ABCG2: variants seen among roughly 807,000 people sequenced by gnomAD.
ABCG2 encodes the protein ATP binding cassette subfamily G member 2 (JR blood group).
In ABCG2, 80 loss-of-function variants were observed where a neutral mutation model predicts 73.5. The ratio of observed to expected loss-of-function variants is 1.09; its 90% CI spans 0.91 to 1.31. The LOEUF (loss-of-function observed/expected upper bound fraction) is 1.31, where lower values mean the gene tolerates loss of function less well. Ranked by LOEUF, ABCG2 falls within the 50% of genes most tolerant of loss-of-function variation. ABCG2 has a pLI of 0.00. For missense variants in ABCG2, 796 were observed against 786.2 expected (o/e 1.01, Z -0.15); for synonymous variants, 269 against 282.4 (o/e 0.95, Z 0.48).
At chr4:88,187,129 T>C (rs1207138979) in intron 1 of ABCG2, among the ~76,000 whole-genome samples, 1 of 140,734 alleles carries the variant, frequency 7.1e-6, no homozygotes, top group African/African-American at 2.7e-5. Context: ...AAAAGGTGGT[T>C]ACCAGAGACT....
At chr4:88,215,475 T>C (rs1729775950) in intron 1 of ABCG2, among the ~76,000 whole-genome samples, 1 of 152,152 alleles carries the variant, frequency 6.6e-6, no homozygotes, top group Non-Finnish European at 1.5e-5. Context: ...TTGGGAGGAT[T>C]CAAAAAACTC....
intron 1 of ABCG2, among the ~76,000 whole-genome samples, chr4:88,164,541 C>T (rs1727437946): frequency 6.6e-6 from 1 of 152,144 alleles, no homozygotes. Flanking sequence ...CTTCCTGCCG[C>T]CATGTGAAGA....
intron 12 of ABCG2, among the ~76,000 whole-genome samples, chr4:88,098,821 A>G (rs1034714981): frequency 6.6e-6 from 1 of 152,142 alleles, no homozygotes; most frequent in Non-Finnish European, 1.5e-5. Context: ...AGTGGTTTTA[A>G]AAGTTCAGGC....
intron 2 of ABCG2, among the ~76,000 whole-genome samples, chr4:88,136,271 T>A (rs187631649): frequency 1.0e-3 from 153 of 152,170 alleles, no homozygotes; most frequent in African/African-American, 3.4e-3. Flanking sequence ...CACATACATA[T>A]CTTCTCTAGG....
At chr4:88,158,798 G>T (rs1727139663), upstream of ABCG2, 1 of 340,072 alleles carries the variant, frequency 2.9e-6, no homozygotes, top group African/African-American at 2.3e-5. Context: ...CACGATGGGA[G>T]CCGGCGGGTG....
rs140978611 is a variant in ABCG2, at chr4:88,145,795, C to A, written c.-19-5781G>T. 8.3e-3 allele frequency among the ~76,000 whole-genome samples: 1,251 copies of A among 151,288 alleles called. 12 individuals are homozygous for A. The highest frequency in any genetic ancestry group is 0.029 in the African/African-American group (1,185 of 41,322). ...TCTCTACTAAAAATACAAAAATTAG[C>A]CGGGCGTGGTGGTGTGCATTTTTGA... On this transcript the variant is annotated intron_variant, in intron 1 of 15. Transcript: ENST00000237612.
chr4:88,206,394 T>C (rs1729379696), intron 1 of ABCG2: 1 of 152,174 alleles, frequency 6.6e-6, no homozygotes, highest in South Asian at 2.1e-4. Context: ...TTTTAAAAAT[T>C]TTTTTGTAGT....
chr4:88,123,857 AT>A (rs1472229173), intron 5 of ABCG2, among the ~76,000 whole-genome samples: 2 of 152,204 alleles, frequency 1.3e-5, no homozygotes, highest in Non-Finnish European at 2.9e-5. Flanking sequence ...AAGACACATA[AT>A]CATCAGATTC....
chr4:88,186,202 A>G (rs1267854935), intron 1 of ABCG2, among the ~76,000 whole-genome samples: 1 of 152,264 alleles, frequency 6.6e-6, no homozygotes, highest in African/African-American at 2.4e-5. Context: ...AGATCCTGGC[A>G]TCTGCAACAA....
rs1304341176 is a variant in ABCG2 at position 88,092,298 on chromosome 4, C to T, written c.1904G>A (p.Cys635Tyr). The T allele has an allele frequency of 2.5e-6, 4 of 1,613,222 alleles. No individual in the cohort carries two copies. The highest frequency in any genetic ancestry group is 2.7e-5 in the African/African-American group (2 of 74,892). Residue 635 changes from cysteine (C) to tyrosine (Y), a missense_variant, in exon 16 of 16, where the codon TGT becomes TAT. By Grantham distance (194) the Cys-to-Tyr change is radical. Transcript: ENST00000237612. ...AATTGTGAGGAAAATAACAATCATA[C>T]AAGCCAAGGCCACGTGATTCTTCCA... ...GLWKNHVALA[C>Y]MIVIFLTIAY...
intron 1 of ABCG2, among the ~76,000 whole-genome samples, chr4:88,198,978 T>A (rs549018272): frequency 2.0e-5 from 3 of 152,056 alleles, no homozygotes; most frequent in Non-Finnish European, 2.9e-5. Context: ...ATATATATAT[T>A]TTATTTTTGA....
At chr4:88,103,910 T>C (rs529192666) in intron 10 of ABCG2, among the ~76,000 whole-genome samples, 1 of 152,348 alleles carries the variant, frequency 6.6e-6, no homozygotes, top group African/African-American at 2.4e-5. Flanking sequence ...ATTTCTTTTG[T>C]TTTTCCACTG....
At position 88,144,449 on chromosome 4, in the gene ABCG2, C is replaced by CTTTTTTT. The variant is rs59434855; in HGVS notation, c.-19-4442_-19-4436dup. 2.4e-3 allele frequency among the ~76,000 whole-genome samples: 187 copies of CTTTTTTT among 77,528 alleles called. 1 individual carries two copies. Among genetic ancestry groups the CTTTTTTT allele is most frequent in the Non-Finnish European group, 2.9e-3 (132 of 44,778 alleles). The allele number at this position is 77,528 out of a possible 152,430, so 50.9% of individuals were successfully genotyped here. ...CCTAACTAGCAAGGCCACATTTTTA[C>CTTTTTTT]TTTTTTTTTTTTTTTTTTTTTTTGA... On this transcript the variant is annotated intron_variant, in intron 1 of 15. Coordinates refer to ENST00000237612, the MANE Select transcript of ABCG2 (RefSeq NM_004827.3).
At chr4:88,149,048 A>C (rs1726258334) in intron 1 of ABCG2, among the ~76,000 whole-genome samples, 1 of 152,148 alleles carries the variant, frequency 6.6e-6, no homozygotes. Flanking sequence ...CGTCTGTACA[A>C]AAAATAAAAT....
In ABCG2 at chr4:88,152,425, G is replaced by A. The variant is rs182230636; in HGVS notation, c.-20+5961C>T. Among the ~76,000 whole-genome samples, 304 of 152,248 alleles carry A rather than the reference G, an allele frequency of 2.0e-3. 1 individual carries two copies. Among genetic ancestry groups the A allele is most frequent in the African/African-American group, 6.9e-3 (287 of 41,528 alleles). ...CAGGCGGGCTGAGTCCGAAAAGAAA[G>A]TCAGCAAAGGGAGATAGGGATGGGG... On this transcript the variant is annotated intron_variant, in intron 1 of 15. Coordinates refer to ENST00000237612, the MANE Select transcript of ABCG2 (RefSeq NM_004827.3).
chr4:88,201,557 A>G (rs2110114974), intron 1 of ABCG2: 1 of 152,336 alleles, frequency 6.6e-6, no homozygotes, highest in Middle Eastern at 3.4e-3. Flanking sequence ...ATTATATCAA[A>G]CATTGAAAGA....
intron 1 of ABCG2, among the ~76,000 whole-genome samples, chr4:88,172,535 G>A (rs574569501): frequency 5.6e-5 from 8 of 142,660 alleles, no homozygotes; most frequent in East Asian, 2.1e-4. Context: ...GCCGAGTCAC[G>A]CCACTGCACT....
At chr4:88,118,775 T>C (rs1379810202) in intron 6 of ABCG2, among the ~76,000 whole-genome samples, 4 of 152,196 alleles carry the variant, frequency 2.6e-5, no homozygotes, top group Non-Finnish European at 5.9e-5. Flanking sequence ...TGCTAAATAA[T>C]TTAGAGATAA....
chr4:88,221,445 T>A (rs1318235153), intron 1 of ABCG2, among the ~76,000 whole-genome samples: 2 of 151,746 alleles, frequency 1.3e-5, no homozygotes, highest in Admixed American at 1.3e-4. Flanking sequence ...ACTGGAACAG[T>A]TTGGAGGGCT....
Sources: gnomAD v4.1 joint callset for allele counts (sites outside exome capture counted in the v4.1 genomes callset) on GRCh38, gnomAD v4.1.1 for gene constraint, MANE v1.5 for transcripts, NCBI Gene and HGNC (gene_info 2026-07-23, HGNC 2026-07-21) for gene names.